RAPGEF5: variants seen among roughly 807,000 people sequenced by gnomAD.
The protein encoded by RAPGEF5 is M-Ras-regulated GEF.
RAPGEF5 carries 65 observed loss-of-function variants against 125.2 expected under a neutral mutation model. That is an observed-to-expected ratio of 0.52 (90% CI 0.43 to 0.64). The LOEUF is 0.64. RAPGEF5 is among the 30% of genes least tolerant of loss of function. The probability of loss-of-function intolerance (pLI) is 0.00; values close to 1 mark genes in which losing one functional copy is unlikely to be tolerated. For synonymous variants in RAPGEF5, 391 were observed against 385.9 expected, an observed-to-expected ratio of 1.01 and a Z score of -0.16; for missense variants, 958 against 1,048.1, an observed-to-expected ratio of 0.91 and a Z score of 1.19.
chr7:22,151,177 C>G (rs1408518777), intron 17 of RAPGEF5, among the ~76,000 whole-genome samples: 2 of 152,226 alleles, frequency 1.3e-5, no homozygotes, highest in African/African-American at 4.8e-5. Flanking sequence ...GGGCCTGGCA[C>G]ATAACTGGGG....
intron 12 of RAPGEF5, among the ~76,000 whole-genome samples, chr7:22,164,679 G>T (rs531763513): frequency 6.6e-6 from 1 of 152,174 alleles, no homozygotes; most frequent in South Asian, 2.1e-4. Flanking sequence ...TTAGGATACA[G>T]ACATTCTTTT....
chr7:22,125,575 A>G (rs758175500), intron 25 of RAPGEF5, 29 bp downstream of exon 25: 1 of 1,588,140 alleles, frequency 6.3e-7, no homozygotes, highest in Non-Finnish European at 8.6e-7. Flanking sequence ...GAGTCAATTT[A>G]CATTCCGCAC....
chr7:22,290,725 A>C (rs1360346827), intron 6 of RAPGEF5, among the ~76,000 whole-genome samples: 1 of 145,636 alleles, frequency 6.9e-6, no homozygotes, highest in African/African-American at 2.6e-5. Context: ...AGCCTGGGCG[A>C]CAGAGCGAGA....
intron 7 of RAPGEF5, among the ~76,000 whole-genome samples, chr7:22,239,583 T>C (rs1386424326): frequency 1.3e-5 from 2 of 151,878 alleles, no homozygotes; most frequent in Non-Finnish European, 2.9e-5. Context: ...GATTGCATGA[T>C]TTATCCCTGC....
chr7:22,217,139 G>A (rs895742582), intron 9 of RAPGEF5, among the ~76,000 whole-genome samples: 1 of 152,176 alleles, frequency 6.6e-6, no homozygotes, highest in Non-Finnish European at 1.5e-5. Context: ...TATCACTGTC[G>A]ACTTAACTAG....
intron 11 of RAPGEF5, chr7:22,193,092 A>C: frequency 1.9e-6 from 1 of 521,658 alleles, no homozygotes; most frequent in East Asian, 3.1e-5. Flanking sequence ...AACTGCCTTT[A>C]GGTGAGATTT....
In RAPGEF5 at chr7:22,296,100, A is replaced by G. The variant is rs529600357; in HGVS notation, c.681-4859T>C. On this transcript the variant is annotated intron_variant, in intron 5 of 25. Coordinates refer to ENST00000665637, the MANE Select transcript of RAPGEF5 (RefSeq NM_012294.5). ...GACAGGGACCTGAATTTTGGAAACC[A>G]TCACTGTGAGACGATGTTAAGTACA... Among the ~76,000 whole-genome samples the G allele has an allele frequency of 2.0e-4, 30 of 152,340 alleles. No individual in the cohort carries two copies. The South Asian group carries it at 6.0e-3, about 31-fold the overall frequency.
At chr7:22,298,180 G>GTT (rs71550471) in intron 5 of RAPGEF5, among the ~76,000 whole-genome samples, 29 of 137,526 alleles carry the variant, frequency 2.1e-4, no homozygotes, top group Non-Finnish European at 1.9e-4. Context: ...TCTGTTTTTT[G>GTT]TTTTTTTTTT....
At chr7:22,180,573 T>C (rs1784643039) in intron 11 of RAPGEF5, among the ~76,000 whole-genome samples, 1 of 152,182 alleles carries the variant, frequency 6.6e-6, no homozygotes, top group Non-Finnish European at 1.5e-5. Flanking sequence ...TCCATACTTA[T>C]TTTCACATGA....
chr7:22,161,335 C>T (rs370095070), intron 13 of RAPGEF5, among the ~76,000 whole-genome samples: 1 of 152,020 alleles, frequency 6.6e-6, no homozygotes, highest in Non-Finnish European at 1.5e-5. Flanking sequence ...GAGCTGAGTA[C>T]GAGACCAGCC....
At chr7:22,212,867 C>T (rs1735867652) in intron 9 of RAPGEF5, among the ~76,000 whole-genome samples, 1 of 152,140 alleles carries the variant, frequency 6.6e-6, no homozygotes, top group Non-Finnish European at 1.5e-5. Context: ...GATGGCAAAA[C>T]AACAGTGGCA....
chr7:22,307,920 A>G (rs1179482081), intron 5 of RAPGEF5, among the ~76,000 whole-genome samples: 2 of 152,172 alleles, frequency 1.3e-5, no homozygotes, highest in Admixed American at 6.5e-5. Flanking sequence ...GTGATGATTC[A>G]CGTGTTTTAA....
chr7:22,291,239 G>T lies in RAPGEF5; in HGVS notation c.683C>A (p.Ser228Tyr). The T allele has an allele frequency of 6.6e-7, 1 of 1,508,988 alleles. No homozygotes were observed. Among genetic ancestry groups the T allele is most frequent in the South Asian group, 1.3e-5 (1 of 76,758 alleles). The allele number at this position is 1,508,988 out of a possible 1,614,324, so 93.5% of individuals were successfully genotyped here. The change falls in exon 6 of 26, where the codon TCT becomes TAT. Residue 228 changes from serine to tyrosine, a missense_variant and splice_region_variant. Transcript: ENST00000665637. ...TTCGGAGTCTTCAATTTTCTGATGA[G>T]ACCTAAAAAAAAAAAAAAGAACAAA... ...IPARGGICEL[S>Y]HQKIEDSEES...
chr7:22,189,261 C>A (rs924815575), intron 11 of RAPGEF5, among the ~76,000 whole-genome samples: 1 of 151,986 alleles, frequency 6.6e-6, no homozygotes, highest in African/African-American at 2.4e-5. Context: ...CTAAGGTAGA[C>A]CTGTCGTAAC....
At chr7:22,231,640 C>T (rs1482918334) in intron 7 of RAPGEF5, among the ~76,000 whole-genome samples, 1 of 152,242 alleles carries the variant, frequency 6.6e-6, no homozygotes, top group Non-Finnish European at 1.5e-5. Flanking sequence ...AACTCTCTAG[C>T]TTCCTCCAAA....
intron 9 of RAPGEF5, among the ~76,000 whole-genome samples, chr7:22,213,984 A>C (rs902208566): frequency 2.0e-5 from 3 of 152,230 alleles, no homozygotes; most frequent in Non-Finnish European, 1.5e-5. Flanking sequence ...AAAAAGAGAC[A>C]AAATGAAATT....
intron 9 of RAPGEF5, among the ~76,000 whole-genome samples, chr7:22,196,760 G>C (rs534854957): frequency 7.9e-5 from 12 of 152,342 alleles, no homozygotes; most frequent in Admixed American, 7.8e-4. Context: ...TGAGACAGAT[G>C]CTTCTGATTT....
chr7:22,125,746 C>G (rs143813660), intron 24 of RAPGEF5, 88 bp from the exon 25 acceptor site: 2,632 of 1,214,822 alleles, frequency 2.2e-3, no homozygotes, highest in Non-Finnish European at 2.8e-3. Flanking sequence ...GAAGGATAAT[C>G]TAGCACTCTT....
At chr7:22,240,420 G>A (rs1252183231) in intron 7 of RAPGEF5, among the ~76,000 whole-genome samples, 1 of 151,528 alleles carries the variant, frequency 6.6e-6, no homozygotes, top group Admixed American at 6.6e-5. Flanking sequence ...CACGCAGGCT[G>A]GCATGCAGTG....
Sources: allele counts gnomAD v4.1 joint callset (sites outside exome capture counted in the v4.1 genomes callset), GRCh38; gene constraint gnomAD v4.1.1; transcripts MANE v1.5; gene names NCBI Gene and HGNC (gene_info 2026-07-23, HGNC 2026-07-21).